PTPRF: variants seen among roughly 807,000 people sequenced by gnomAD.
The protein encoded by PTPRF is protein tyrosine phosphatase receptor type F.
In PTPRF, 59 loss-of-function variants were observed where a neutral mutation model predicts 201.8. That is an observed-to-expected ratio of 0.29 (90% confidence interval 0.24 to 0.36). The LOEUF is 0.36. Ranked by LOEUF, PTPRF falls within the 10% of genes least tolerant of loss-of-function variation. The pLI is 1.00. For missense variants in PTPRF, 2,132 were observed against 2,690.5 expected, an observed-to-expected ratio of 0.79 and a Z score of 4.59; for synonymous variants, 1,088 against 1,089.7, an observed-to-expected ratio of 1.00 and a Z score of 0.03.
At chr1:43,596,560 C>A (rs1003672635) in intron 11 of PTPRF, among the ~76,000 whole-genome samples, 1 of 152,168 alleles carries the variant, frequency 6.6e-6, no homozygotes, top group East Asian at 1.9e-4. Context: ...TTGGTGGGTA[C>A]TTTTTCTCCA....
intron 26 of PTPRF, 59 bp downstream of exon 26, chr1:43,618,808 G>A (rs1026991517): frequency 6.4e-7 from 1 of 1,573,138 alleles, no homozygotes; most frequent in Non-Finnish European, 8.7e-7. Flanking sequence ...AGTGGCCTGG[G>A]TGTGGTGTGC....
chr1:43,566,044 G>C (rs969239001), intron 5 of PTPRF, among the ~76,000 whole-genome samples: 3 of 152,214 alleles, frequency 2.0e-5, no homozygotes, highest in Non-Finnish European at 4.4e-5. Flanking sequence ...GTCCACGTGT[G>C]GGGGACCCTG....
rs1400946261 is a variant in PTPRF at position 43,603,360 on chromosome 1, G to C, written c.2341-56G>C. 4.6e-5 allele frequency: 70 copies of C among 1,513,920 alleles called. No individual in the cohort carries two copies. Among genetic ancestry groups the C allele is most frequent in the Non-Finnish European group, 6.4e-5 (70 of 1,089,378 alleles). The allele number at this position is 1,513,920 out of a possible 1,614,324, so 93.8% of individuals were successfully genotyped here. A position where few individuals can be genotyped will look rare whatever the true frequency, so the allele number is the denominator to read the frequency against. Reference sequence around the variant, plus strand: ...GCTAGGGTCCTGAGGTCCCTGACAAGGTCTGGCCTCTCCCTGCATTCTTGT... The same window carrying C: ...GCTAGGGTCCTGAGGTCCCTGACAACGTCTGGCCTCTCCCTGCATTCTTGT... On this transcript the variant is annotated intron_variant, in intron 14 of 33. Coordinates refer to ENST00000359947, the MANE Select transcript of PTPRF (RefSeq NM_002840.5). The surrounding 1 kb of genome is among the most constrained non-coding windows in gnomAD (Gnocchi z 5.8).
chr1:43,548,118 A>G (rs1644795360), intron 3 of PTPRF, among the ~76,000 whole-genome samples: 1 of 120,648 alleles, frequency 8.3e-6, no homozygotes, highest in South Asian at 3.1e-4. Flanking sequence ...ACATTTGCTA[A>G]TGGGGGGGTA....
chr1:43,544,619 C>T (rs962796241), intron 2 of PTPRF, among the ~76,000 whole-genome samples: 2 of 152,226 alleles, frequency 1.3e-5, no homozygotes, highest in Admixed American at 1.3e-4. Context: ...TCTTGTCTCT[C>T]TGTCCTCTGT....
intron 6 of PTPRF, chr1:43,575,967 G>T: frequency 7.3e-7 from 1 of 1,362,638 alleles, no homozygotes; most frequent in Non-Finnish European, 9.8e-7. Flanking sequence ...ACCACGCCTT[G>T]CCACTGCCGT....
chr1:43,607,322 G>C (rs1056829204), intron 21 of PTPRF, among the ~76,000 whole-genome samples: 1 of 152,168 alleles, frequency 6.6e-6, no homozygotes, highest in African/African-American at 2.4e-5. Context: ...CTCCTACCTC[G>C]AGTCCTTTCC....
At chr1:43,602,211 A>C in intron 14 of PTPRF, 114 bp downstream of exon 14, 1 of 1,312,194 alleles carries the variant, frequency 7.6e-7, no homozygotes, top group Non-Finnish European at 1.1e-6. Flanking sequence ...ACAGGGCTCT[A>C]GCCACATCAG....
chr1:43,594,416 C>G (rs1165863560), intron 11 of PTPRF, among the ~76,000 whole-genome samples: 1 of 151,190 alleles, frequency 6.6e-6, no homozygotes, highest in Non-Finnish European at 1.5e-5. Flanking sequence ...ACAAGGTAAG[C>G]AGCAGGCCAG....
chr1:43,614,282 C>G lies in PTPRF; in HGVS notation c.4071+567C>G, dbSNP rs76882909. Among the ~76,000 whole-genome samples, 853 of 152,370 alleles carry G rather than the reference C, an allele frequency of 5.6e-3. 8 individuals are homozygous for G. Among genetic ancestry groups the G allele is most frequent in the African/African-American group, 0.02 (816 of 41,576 alleles). ...TTCAAACCCAGGCCTGCCTGCTGCC[C>G]TGTGCTCTGCACATGCATGTGCTCA... On this transcript the variant is annotated intron_variant, in intron 23 of 33. Coordinates refer to ENST00000359947, the MANE Select transcript of PTPRF (RefSeq NM_002840.5).
chr1:43,548,468 A>C (rs1307323429), intron 3 of PTPRF, among the ~76,000 whole-genome samples: 1 of 151,818 alleles, frequency 6.6e-6, no homozygotes, highest in African/African-American at 2.4e-5. Flanking sequence ...CCCTCGTTCT[A>C]TGGGTGGCCT....
intron 5 of PTPRF, among the ~76,000 whole-genome samples, chr1:43,566,031 A>G (rs568905507): frequency 4.9e-4 from 75 of 152,160 alleles, no homozygotes; most frequent in Non-Finnish European, 1.0e-3. Context: ...GGTGCTTGCG[A>G]CTGTCCACGT....
chr1:43,605,069 C>A, intron 17 of PTPRF, 69 bp downstream of exon 17: 1 of 1,588,898 alleles, frequency 6.3e-7, no homozygotes, highest in Non-Finnish European at 8.6e-7. Flanking sequence ...CTTTCCAGTC[C>A]TAACCCATGT....
intron 7 of PTPRF, among the ~76,000 whole-genome samples, chr1:43,583,305 A>C (rs1648232637): frequency 6.6e-6 from 1 of 152,026 alleles, no homozygotes; most frequent in African/African-American, 2.4e-5. Flanking sequence ...TCCCTGGTGC[A>C]CCACGTGTCT....
chr1:43,603,672 G>A lies in PTPRF; in HGVS notation c.2520G>A (p.Trp840Ter). 6.2e-7 allele frequency: 1 copy of A among 1,613,532 alleles called. No homozygotes were observed. Among genetic ancestry groups the A allele is most frequent in the Non-Finnish European group, 8.5e-7 (1 of 1,179,994 alleles). The change falls in exon 16 of 34, where the codon TGG becomes TGA. Residue 840 changes from tryptophan to a stop codon, truncating the protein, a stop_gained. Coordinates refer to ENST00000359947, the MANE Select transcript of PTPRF (RefSeq NM_002840.5). LOFTEE classifies it high-confidence loss of function. This position sits in a 1 kb window ranked among gnomAD's most constrained non-coding sequence, Gnocchi z 5.8. ...CCATGAACACTGCGCTGCTCCAGTG[G>A]CACCCACCCAAGGAACTGCCTGGCG... is the stretch of plus-strand genomic sequence containing the variant. ...TTAMNTALLQ[W>*]HPPKELPGEL...
chr1:43,596,413 G>A (rs543001854), intron 11 of PTPRF, among the ~76,000 whole-genome samples: 3 of 152,214 alleles, frequency 2.0e-5, no homozygotes, highest in East Asian at 3.9e-4. Flanking sequence ...AGGGGGTGGT[G>A]ACAGAACTTG....
chr1:43,597,853 C>G lies in PTPRF; in HGVS notation c.1919C>G (p.Thr640Ser), dbSNP rs1652754706. ...GCCGACAGCCGCAACGGCGTTATCA[C>G]CCAGTACTCCGTGGCCTACGAGGCG... ...PPADSRNGVI[T>S]QYSVAYEAVD... The change falls in exon 12 of 34, where the codon ACC becomes AGC. Residue 640 changes from threonine (T) to serine (S), a missense_variant. Around this residue, in one of 6 missense-constraint regions of PTPRF, gnomAD observed 125 missense variants for 211.9 expected, o/e 0.59. Coordinates refer to ENST00000359947, the MANE Select transcript of PTPRF (RefSeq NM_002840.5). The G allele has an allele frequency of 1.6e-5, 25 of 1,608,732 alleles. No individual in the cohort carries two copies. Among genetic ancestry groups the G allele is most frequent in the East Asian group, 2.2e-5 (1 of 44,668 alleles).
intron 23 of PTPRF, among the ~76,000 whole-genome samples, chr1:43,616,793 G>A (rs1288294502): frequency 1.3e-5 from 2 of 152,130 alleles, no homozygotes; most frequent in Admixed American, 1.3e-4. Flanking sequence ...CTGTGCTGCT[G>A]CTGAGGTTAT....
rs779067201 is a variant in PTPRF at position 43,591,093 on chromosome 1, G to A, written c.1071G>A (p.Ala357=). The stretch of plus-strand genomic sequence containing the variant: ...ACTATGGCATCCAGTACCGCGCAGC[G>A]GGCACGGAGGGCCCCTTTCAGGAGG... ...VTYYGIQYRA[A]GTEGPFQEVD... is the part of the protein sequence containing the mutation. Residue 357 remains alanine, a synonymous_variant, in exon 9 of 34, where the codon GCG becomes GCA. Coordinates refer to ENST00000359947, the MANE Select transcript of PTPRF (RefSeq NM_002840.5). The A allele has an allele frequency of 1.4e-5, 22 of 1,613,780 alleles. No individual in the cohort carries two copies. Among genetic ancestry groups the A allele is most frequent in the African/African-American group, 9.3e-5 (7 of 74,962 alleles).
Sources: gnomAD v4.1 joint callset for allele counts (sites outside exome capture counted in the v4.1 genomes callset) on GRCh38, gnomAD v4.1.1 for gene constraint, gnomAD v4.1.1 regional missense constraint, Gnocchi (gnomAD v3.1) non-coding constraint, MANE v1.5 for transcripts, NCBI Gene and HGNC (gene_info 2026-07-23, HGNC 2026-07-21) for gene names.